The following ARHGEF3 variants were observed in gnomAD, a reference collection of about 807,000 sequenced individuals.
The protein encoded by ARHGEF3 is Rho guanine nucleotide exchange factor 3.
A neutral mutation model predicts 63.2 loss-of-function variants in ARHGEF3; 28 were observed. That is an observed-to-expected ratio of 0.44 (90% CI 0.33 to 0.61). The LOEUF is 0.61. ARHGEF3 is among the 20% of genes least tolerant of loss of function. ARHGEF3 has a pLI of 0.03. For missense variants in ARHGEF3, 533 were observed against 659.3 expected (o/e 0.81, Z 2.10); for synonymous variants, 266 against 254.2 (o/e 1.05, Z -0.44).
At chr3:56,777,397 A>G (rs571146621) in intron 1 of ARHGEF3, among the ~76,000 whole-genome samples, 109 of 152,370 alleles carry the variant, frequency 7.2e-4, no homozygotes, top group African/African-American at 2.3e-3. Context: ...AATTTAAAAT[A>G]TCTTGTGTTT....
chr3:56,851,550 G>C (rs1317674140), intron 4 of ARHGEF3, among the ~76,000 whole-genome samples: 1 of 152,058 alleles, frequency 6.6e-6, no homozygotes, highest in Non-Finnish European at 1.5e-5. Context: ...ACCATGCCCA[G>C]CTAATTTTTG....
chr3:56,774,835 T>C (rs919240461), intron 1 of ARHGEF3, among the ~76,000 whole-genome samples: 1 of 151,954 alleles, frequency 6.6e-6, no homozygotes, highest in African/African-American at 2.4e-5. Flanking sequence ...GAGGTTCCAG[T>C]GAGCCGAGAT....
chr3:56,930,474 C>G (rs1482559765), intron 3 of ARHGEF3, among the ~76,000 whole-genome samples: 1 of 152,136 alleles, frequency 6.6e-6, no homozygotes, highest in South Asian at 2.1e-4. Flanking sequence ...AAGCAAACTT[C>G]GTGTTTCTTC....
intron 2 of ARHGEF3, among the ~76,000 whole-genome samples, chr3:56,968,688 T>C (rs925232347): frequency 6.6e-6 from 1 of 152,058 alleles, no homozygotes; most frequent in Non-Finnish European, 1.5e-5. Flanking sequence ...TAGTATAGTT[T>C]ATTTAACCCA....
At chr3:56,775,792 A>G (rs9880418) in intron 1 of ARHGEF3, 215,999 of 383,196 alleles carry the variant, frequency 0.56, 61,192 homozygotes, top group African/African-American at 0.64. Context: ...ACACACACAC[A>G]CGCGCAAGCA....
At chr3:57,025,229 G>T (rs558751384) in intron 2 of ARHGEF3, among the ~76,000 whole-genome samples, 3 of 152,308 alleles carry the variant, frequency 2.0e-5, no homozygotes, top group African/African-American at 7.2e-5. Context: ...AAAGGAAAAG[G>T]GGTTTCGGAG....
At chr3:56,938,561 T>C (rs1699019316) in intron 3 of ARHGEF3, 1 of 152,186 alleles carries the variant, frequency 6.6e-6, no homozygotes, top group Admixed American at 6.5e-5. Flanking sequence ...TAAATATGCA[T>C]GAGACTTACA....
chr3:57,075,353 T>A (rs1360283872), intron 1 of ARHGEF3: 1 of 167,188 alleles, frequency 6.0e-6, no homozygotes, highest in Non-Finnish European at 1.5e-5. Context: ...TTGACTGCTG[T>A]GTGGTCAGTA....
chr3:56,905,203 C>A (rs1207343327), intron 3 of ARHGEF3, among the ~76,000 whole-genome samples: 1 of 152,188 alleles, frequency 6.6e-6, no homozygotes, highest in African/African-American at 2.4e-5. Context: ...GTAATATACA[C>A]ATGCACAGGA....
At chr3:56,967,335 TGTACATATC>T (rs1560091453) in intron 2 of ARHGEF3, among the ~76,000 whole-genome samples, 1 of 76,096 alleles carries the variant, frequency 1.3e-5, no homozygotes, top group African/African-American at 3.8e-5. Context: ...TATTATATAT[TGTACATATC>T]ATATATTATA....
chr3:56,856,265 A>G (rs952517311), intron 4 of ARHGEF3, among the ~76,000 whole-genome samples: 31 of 152,316 alleles, frequency 2.0e-4, no homozygotes, highest in Middle Eastern at 3.4e-3. Flanking sequence ...AGAGAAAGAA[A>G]ATAAGAAAAT....
chr3:56,745,255 A>G lies in ARHGEF3; in HGVS notation c.820T>C (p.Leu274=), dbSNP rs766666898. 3.5e-5 allele frequency: 57 copies of G among 1,614,024 alleles called. No individual in the cohort carries two copies. The highest frequency in any genetic ancestry group is 6.7e-5 in the Admixed American group (4 of 60,006). Residue 274 remains leucine, a synonymous_variant, in exon 7 of 10, where the codon TTG becomes CTG. Coordinates refer to ENST00000296315, the MANE Select transcript of ARHGEF3 (RefSeq NM_019555.3). ...VKYPLLLREI[L]RHTPNDNPDQ... is the part of the protein sequence containing the mutation. ...GGATTATCATTTGGTGTGTGCCTCAAGATTTCTCGGAGAAGCAGAGGGTAT... is the reference window on the plus strand; with the variant it reads ...GGATTATCATTTGGTGTGTGCCTCAGGATTTCTCGGAGAAGCAGAGGGTAT...
In ARHGEF3 at chr3:56,793,170, A is replaced by AT. The variant is rs34139761; in HGVS notation, c.96+8532dup. ...AGGCTCCCGCCACCAGGCCCAGATA[A>AT]TTTTTTTTTTTTTTTTTGAGATGGA... On this transcript the variant is annotated intron_variant, in intron 1 of 9. Coordinates refer to ENST00000296315, the MANE Select transcript of ARHGEF3 (RefSeq NM_019555.3). Among the ~76,000 whole-genome samples the AT allele has an allele frequency of 2.5e-3, 331 of 132,124 alleles. 1 individual carries two copies. Among genetic ancestry groups the AT allele is most frequent in the South Asian group, 6.1e-3 (24 of 3,932 alleles). 86.7% of individuals were successfully genotyped at this position (132,124 alleles called of 152,430 possible).
intron 4 of ARHGEF3, among the ~76,000 whole-genome samples, chr3:56,869,294 C>A (rs1240946518): frequency 1.3e-5 from 2 of 152,120 alleles, no homozygotes; most frequent in African/African-American, 4.8e-5. Context: ...TGAAGATAAG[C>A]CCGTGATTTC....
At chr3:57,032,959 G>T (rs1703794115) in intron 2 of ARHGEF3, among the ~76,000 whole-genome samples, 1 of 152,150 alleles carries the variant, frequency 6.6e-6, no homozygotes, top group Non-Finnish European at 1.5e-5. Flanking sequence ...TGGGGACAGA[G>T]GCTTATGGCA....
At chr3:56,907,968 C>G (rs1426698963) in intron 3 of ARHGEF3, among the ~76,000 whole-genome samples, 14 of 152,140 alleles carry the variant, frequency 9.2e-5, no homozygotes, top group African/African-American at 3.4e-4. Flanking sequence ...ACCCCCATGA[C>G]AGAAGGTTAC....
upstream of ARHGEF3, among the ~76,000 whole-genome samples, chr3:56,804,862 T>C (rs2037804408): frequency 1.3e-5 from 2 of 152,208 alleles, no homozygotes; most frequent in Admixed American, 6.5e-5. Context: ...CCTGATTAAC[T>C]ATGCAGCCAA....
intron 1 of ARHGEF3, among the ~76,000 whole-genome samples, chr3:56,795,990 A>G (rs63653260): frequency 6.8e-6 from 1 of 148,066 alleles, no homozygotes; most frequent in East Asian, 2.0e-4. Flanking sequence ...AAAAAAAAAA[A>G]GGAAGGCAAT....
At chr3:56,755,617 G>A (rs2035024551) in intron 2 of ARHGEF3, among the ~76,000 whole-genome samples, 1 of 152,120 alleles carries the variant, frequency 6.6e-6, no homozygotes, top group South Asian at 2.1e-4. Flanking sequence ...ATATAGTTTT[G>A]GTGGGCACCC....
Sources: allele counts gnomAD v4.1 joint callset (sites outside exome capture counted in the v4.1 genomes callset), GRCh38; gene constraint gnomAD v4.1.1; transcripts MANE v1.5; gene names NCBI Gene and HGNC (gene_info 2026-07-23, HGNC 2026-07-21).